SFRP1: variants seen among roughly 807,000 people sequenced by gnomAD.
The protein encoded by SFRP1 is secreted frizzled-related protein 1.
In SFRP1, 9 loss-of-function variants were observed where a neutral mutation model predicts 25.9. That is an observed-to-expected ratio of 0.35 (90% confidence interval 0.21 to 0.61). The LOEUF is 0.61. Ranked by LOEUF, SFRP1 falls within the 20% of genes least tolerant of loss-of-function variation. SFRP1 has a pLI of 0.78. For missense variants in SFRP1, 346 were observed against 418.2 expected (o/e 0.83, Z 1.51); for synonymous variants, 178 against 174.0 (o/e 1.02, Z -0.18).
chr8:41,265,236 C>T lies in SFRP1; in HGVS notation c.876G>A (p.Lys292=), dbSNP rs1156597998. 2.5e-6 allele frequency: 4 copies of T among 1,613,782 alleles called. No homozygotes were observed. The Admixed American group carries it at 5.0e-5, about 20-fold the overall frequency. ...TAIHKWDKKN[K]EFKNFMKKMK... ...TTTTCTTCATGAAGTTTTTGAACTC[C>T]TTGTTTTTCTTGTCCCACTTGTGGA... Residue 292 remains lysine (K), a synonymous_variant, in exon 3 of 3, where the codon AAG becomes AAA. Transcript: ENST00000220772.
At chr8:41,282,123 C>T (rs1803641306) in intron 2 of SFRP1, among the ~76,000 whole-genome samples, 1 of 152,224 alleles carries the variant, frequency 6.6e-6, no homozygotes. Flanking sequence ...CCTCCCACAT[C>T]TGCCTCTCAC....
Position 41,308,692 on chromosome 8 carries a change from C to T in SFRP1, c.468G>A (p.Lys156=), listed in dbSNP as rs1372528133. The T allele has an allele frequency of 6.2e-7, 1 of 1,611,430 alleles. No individual in the cohort carries two copies. Among genetic ancestry groups the T allele is most frequent in the Non-Finnish European group, 8.5e-7 (1 of 1,178,880 alleles). ...FFGFYWPEML[K]CDKFPEGDVC... ...CGTCCCCCTCGGGGAACTTGTCACACTTAAGCATCTCGGGCCAGTAGAAGC... is the reference window on the plus strand; with the variant it reads ...CGTCCCCCTCGGGGAACTTGTCACATTTAAGCATCTCGGGCCAGTAGAAGC... Residue 156 remains lysine, a synonymous_variant, in exon 1 of 3, where the codon AAG becomes AAA. Coordinates refer to ENST00000220772, the MANE Select transcript of SFRP1 (RefSeq NM_003012.5).
chr8:41,281,549 C>T (rs868312077), intron 2 of SFRP1, among the ~76,000 whole-genome samples: 1 of 152,226 alleles, frequency 6.6e-6, no homozygotes, highest in Non-Finnish European at 1.5e-5. Context: ...CTAGTCTGTC[C>T]TCAGGTGCTA....
At chr8:41,285,237 C>T (rs182726953) in intron 2 of SFRP1, among the ~76,000 whole-genome samples, 151 of 152,244 alleles carry the variant, frequency 9.9e-4, no homozygotes, top group Admixed American at 4.6e-3. Context: ...AAAATGAAGC[C>T]CCCAGCCCCT....
chr8:41,266,095 G>A (rs62642299), intron 2 of SFRP1, among the ~76,000 whole-genome samples: 43,466 of 151,718 alleles, frequency 0.29, 7,233 homozygotes, highest in Middle Eastern at 0.38. Flanking sequence ...GAACCTGGGA[G>A]GCGGAGGTTG....
At chr8:41,301,449 A>AG (rs1484391244) in intron 2 of SFRP1, among the ~76,000 whole-genome samples, 3 of 50,052 alleles carry the variant, frequency 6.0e-5, no homozygotes, top group Non-Finnish European at 1.1e-4. Flanking sequence ...AGAGAGAGAG[A>AG]AAAAAAAATC....
intron 2 of SFRP1, among the ~76,000 whole-genome samples, chr8:41,271,961 C>A (rs762175157): frequency 6.6e-6 from 1 of 151,616 alleles, no homozygotes; most frequent in Non-Finnish European, 1.5e-5. Context: ...TGAGACCCTG[C>A]CTCAAAAAAA....
chr8:41,301,807 C>T (rs993716038), intron 2 of SFRP1, among the ~76,000 whole-genome samples: 7 of 152,210 alleles, frequency 4.6e-5, no homozygotes, highest in South Asian at 4.1e-4. Context: ...TTCCACAAAC[C>T]GTGACTGGTT....
At chr8:41,291,222 T>C (rs903791194) in intron 2 of SFRP1, among the ~76,000 whole-genome samples, 1 of 152,022 alleles carries the variant, frequency 6.6e-6, no homozygotes, top group Non-Finnish European at 1.5e-5. Flanking sequence ...TTGAGGACTT[T>C]TTTAAAGATA....
At chr8:41,304,477 G>C (rs984833440) in intron 1 of SFRP1, among the ~76,000 whole-genome samples, 1 of 151,944 alleles carries the variant, frequency 6.6e-6, no homozygotes, top group Non-Finnish European at 1.5e-5. Flanking sequence ...AAAACATCAC[G>C]AGCACATTCT....
At chr8:41,269,247 CA>C (rs1405453922) in intron 2 of SFRP1, among the ~76,000 whole-genome samples, 1 of 152,076 alleles carries the variant, frequency 6.6e-6, no homozygotes, top group African/African-American at 2.4e-5. Context: ...TAAAACCAAA[CA>C]AAAAAATTTT....
chr8:41,308,594 A>T lies in SFRP1; in HGVS notation c.544+22T>A, dbSNP rs536228650. On this transcript the variant is annotated intron_variant, in intron 1 of 2. Transcript: ENST00000220772. ...GGGGGATGGAGGGGGCGGCTCGCGC[A>T]CGTGGGAGGAGGCAGCCTTACCTTG... is the stretch of plus-strand genomic sequence containing the variant. 24 of 1,546,192 alleles carry T rather than the reference A, an allele frequency of 1.6e-5. No individual in the cohort carries two copies. The South Asian group carries it at 2.8e-4, about 18-fold the overall frequency.
intron 2 of SFRP1, among the ~76,000 whole-genome samples, chr8:41,271,928 G>A (rs184448228): frequency 1.3e-5 from 2 of 152,188 alleles, no homozygotes; most frequent in East Asian, 3.9e-4. Context: ...CTGCACCCCT[G>A]CGCTCCAGCC....
chr8:41,307,566 C>A (rs904041704), intron 1 of SFRP1, among the ~76,000 whole-genome samples: 1 of 152,208 alleles, frequency 6.6e-6, no homozygotes, highest in Admixed American at 6.5e-5. Flanking sequence ...CTGTGCTAAG[C>A]GCAGCTGGGG....
chr8:41,299,580 C>T (rs1463505994), intron 2 of SFRP1, among the ~76,000 whole-genome samples: 1 of 137,248 alleles, frequency 7.3e-6, no homozygotes, highest in African/African-American at 2.8e-5. Context: ...GTAGGGGGAT[C>T]GCTTGAGCCC....
At chr8:41,283,578 ACTTT>A (rs1196975576) in intron 2 of SFRP1, among the ~76,000 whole-genome samples, 3 of 143,832 alleles carry the variant, frequency 2.1e-5, no homozygotes, top group Non-Finnish European at 3.0e-5. Flanking sequence ...AACTCCTCCA[ACTTT>A]CTTTTTTTTT....
chr8:41,305,957 A>G (rs1317809423), intron 1 of SFRP1, among the ~76,000 whole-genome samples: 1 of 152,236 alleles, frequency 6.6e-6, no homozygotes, highest in Non-Finnish European at 1.5e-5. Flanking sequence ...GACTAAATGC[A>G]CAACATGCCC....
chr8:41,275,661 C>A (rs557245550), intron 2 of SFRP1, among the ~76,000 whole-genome samples: 172 of 151,964 alleles, frequency 1.1e-3, no homozygotes, highest in Middle Eastern at 0.01. Context: ...CACCGCCACG[C>A]CCGGCTAATT....
chr8:41,292,546 C>T (rs1356678317), intron 2 of SFRP1, among the ~76,000 whole-genome samples: 2 of 152,218 alleles, frequency 1.3e-5, no homozygotes, highest in East Asian at 3.9e-4. Flanking sequence ...AATTAAACCT[C>T]TTTTCTTTAT....
Sources: allele counts gnomAD v4.1 joint callset (sites outside exome capture counted in the v4.1 genomes callset), GRCh38; gene constraint gnomAD v4.1.1; transcripts MANE v1.5; gene names NCBI Gene and HGNC (gene_info 2026-07-23, HGNC 2026-07-21).